Variants in BCL9L observed in about 807,000 individuals in gnomAD.
BCL9L encodes BCL9 like.
Under a neutral mutation model 99.4 loss-of-function variants are expected in BCL9L, and 19 were observed. The ratio of observed to expected loss-of-function variants is 0.19; its 90% CI spans 0.13 to 0.28. The LOEUF (loss-of-function observed/expected upper bound fraction) is 0.28, where lower values mean the gene tolerates loss of function less well. BCL9L is among the 10% of genes least tolerant of loss of function. BCL9L has a pLI of 1.00. For synonymous variants in BCL9L, 900 were observed against 854.8 expected (o/e 1.05, Z -0.92); for missense variants, 2,023 against 2,101.6 (o/e 0.96, Z 0.73).
chr11:118,908,611 A>G lies in BCL9L; in HGVS notation c.71T>C (p.Leu24Pro). 1 of 1,612,956 alleles carries G rather than the reference A, an allele frequency of 6.2e-7. No homozygotes were observed. The highest frequency in any genetic ancestry group is 8.5e-7 in the Non-Finnish European group (1 of 1,179,810). The change falls in exon 4 of 10, where the codon CTG becomes CCG. Residue 24 changes from leucine (L) to proline (P), a missense_variant. Leu to Pro is a moderately conservative substitution (Grantham distance 98). Transcript: ENST00000683865. Reference sequence around the variant, plus strand: ...AGGGGGGCAATGACCGCGGGGGGACAGCGGCGGGCTCCCTGGAGCTTCTCT... The same window carrying G: ...AGGGGGGCAATGACCGCGGGGGGACGGCGGCGGGCTCCCTGGAGCTTCTCT... ...RRREAPGSPPLSPRGHCPPAP... is the reference protein window; with the variant it reads ...RRREAPGSPPPSPRGHCPPAP...
chr11:118,900,789 A>G lies in BCL9L; in HGVS notation c.2954T>C (p.Val985Ala), dbSNP rs757344428. 5.0e-6 allele frequency: 8 copies of G among 1,613,808 alleles called. No individual in the cohort carries two copies. In the Admixed American group the frequency reaches 1.3e-4, roughly 27 times the overall value. ...SPQVLGSSLS[V>A]RSPTGSPSRL... is the part of the protein sequence containing the mutation. ...GCTGGGCGAGCCAGTGGGTGAACGG[A>G]CACTGAGGGAGGAGCCGAGGACCTG... Residue 985 changes from valine (V) to alanine (A), a missense_variant, in exon 8 of 10, where the codon GTC becomes GCC. By Grantham distance (64) the Val-to-Ala change is moderately conservative. Around this residue, in one of 3 missense-constraint regions of BCL9L, gnomAD observed 902 missense variants for 888.2 expected, o/e 1.02. Coordinates refer to ENST00000683865, the MANE Select transcript of BCL9L (RefSeq NM_001378213.1). This position sits in a 1 kb window ranked among gnomAD's most constrained non-coding sequence, Gnocchi z 5.3.
In BCL9L at chr11:118,922,407, C is replaced by T. The variant is rs369467573; in HGVS notation, c.-131+2831G>A. On this transcript the variant is annotated intron_variant, in intron 1 of 9. Coordinates refer to ENST00000683865, the MANE Select transcript of BCL9L (RefSeq NM_001378213.1). The surrounding 1 kb of genome is among the most constrained non-coding windows in gnomAD (Gnocchi z 6.2). ...AGCCCTGGCAGGAGCTCCCACCAGC[C>T]CCATCCCGGCTCCTCTGGCCAGTTA... Among the ~76,000 whole-genome samples, 1 of 152,246 alleles carries T rather than the reference C, an allele frequency of 6.6e-6. No individual in the cohort carries two copies. The highest frequency in any genetic ancestry group is 2.4e-5 in the African/African-American group (1 of 41,460).
At chr11:118,908,038 A>G (rs1266800547) in intron 4 of BCL9L, among the ~76,000 whole-genome samples, 1 of 152,186 alleles carries the variant, frequency 6.6e-6, no homozygotes, top group Non-Finnish European at 1.5e-5. Context: ...CAGGAGGGGA[A>G]GGAGTCCAGA....
intron 9 of BCL9L, 46 bp from the exon 10 acceptor site, chr11:118,899,554 CG>C: frequency 1.3e-6 from 2 of 1,592,266 alleles, no homozygotes; most frequent in Admixed American, 1.8e-5. Context: ...GTGCCCAGCT[CG>C]GGGAGGGTGC....
In BCL9L at chr11:118,901,676, C is replaced by T. The variant is rs1167379154; in HGVS notation, c.2067G>A (p.Met689Ile). The change falls in exon 8 of 10, where the codon ATG (methionine) becomes ATA (isoleucine). Residue 689 changes from methionine (M) to isoleucine (I), a missense_variant. By Grantham distance (10) the Met-to-Ile change is conservative. This residue lies in a region of BCL9L where 1,116 missense variants were observed against 1,194.6 expected (regional missense o/e 0.93). Transcript: ENST00000683865. The surrounding 1 kb of genome is among the most constrained non-coding windows in gnomAD (Gnocchi z 6.6). ...CCATGCCCAGGGGGCGCTGCATGCC[C>T]ATCGACCGCTTCTCCAGCAGCTGGT... is the stretch of plus-strand genomic sequence containing the variant. The part of the protein sequence containing the change: ...LRHQLLEKRS[M>I]GMQRPLGMAG... 1.2e-6 allele frequency: 2 copies of T among 1,613,746 alleles called. No individual in the cohort carries two copies. The highest frequency in any genetic ancestry group is 3.3e-5 in the Admixed American group (2 of 60,030).
intron 2 of BCL9L, 90 bp from the exon 3 acceptor site, chr11:118,910,105 G>C (rs1940716461): frequency 2.3e-6 from 2 of 888,216 alleles, no homozygotes; most frequent in Admixed American, 2.2e-5. Context: ...ACAGCCCTGG[G>C]ACTAGGGAGC....
At position 118,898,300 on chromosome 11, in the gene BCL9L, T is replaced by TCCCCCCCCC; in HGVS notation, c.*114_*115insGGGGGGGGG. On this transcript the variant is annotated 3_prime_UTR_variant, in exon 10 of 10. Transcript: ENST00000683865. ...AATGCCACTCCCTACACAAGCCCCC[T>TCCCCCCCCC]CCCACCCCCTCCACCCCACCCCGCG... is the stretch of plus-strand genomic sequence containing the variant. The TCCCCCCCCC allele has an allele frequency of 4.9e-5, 9 of 185,484 alleles. No homozygotes were observed. Among genetic ancestry groups the TCCCCCCCCC allele is most frequent in the South Asian group, 1.4e-4 (3 of 21,476 alleles). 11.5% of individuals were successfully genotyped at this position (185,484 alleles called of 1,614,324 possible). A position where few individuals can be genotyped will look rare whatever the true frequency, so the allele number is the denominator to read the frequency against.
At chr11:118,913,315 T>C (rs1468876379) in intron 2 of BCL9L, among the ~76,000 whole-genome samples, 1 of 152,090 alleles carries the variant, frequency 6.6e-6, no homozygotes, top group Non-Finnish European at 1.5e-5. Flanking sequence ...GTCCCAGACC[T>C]TTCTAGTCTG....
At chr11:118,906,731 A>C (rs925397214) in intron 5 of BCL9L, among the ~76,000 whole-genome samples, 8 of 151,656 alleles carry the variant, frequency 5.3e-5, no homozygotes, top group African/African-American at 1.5e-4. Context: ...TATGTTGGCC[A>C]GGCTGTTCTT....
chr11:118,908,439 C>A lies in BCL9L; in HGVS notation c.243G>T (p.Gly81=). 1.2e-6 allele frequency: 2 copies of A among 1,614,090 alleles called. No individual in the cohort carries two copies. Among genetic ancestry groups the A allele is most frequent in the Non-Finnish European group, 1.7e-6 (2 of 1,179,960 alleles). Reference sequence around the variant, plus strand: ...TAGGCGAGATCTGGTTGGCCTTGGCCCCATGGTTCCCCGCCCCCACGCCCT... The same window carrying A: ...TAGGCGAGATCTGGTTGGCCTTGGCACCATGGTTCCCCGCCCCCACGCCCT... The part of the protein sequence containing the change: ...GSKGVGAGNH[G]AKANQISPSN... Residue 81 remains glycine, a synonymous_variant, in exon 4 of 10, where the codon GGG becomes GGT. Transcript: ENST00000683865.
chr11:118,910,949 C>T (rs1293714828), intron 2 of BCL9L: 6 of 249,836 alleles, frequency 2.4e-5, no homozygotes, highest in Admixed American at 5.0e-5. Context: ...GAAGCGCCGC[C>T]GGAGCGGGAG....
At position 118,901,740 on chromosome 11, in the gene BCL9L, C is replaced by A; in HGVS notation, c.2003G>T (p.Arg668Leu). 1.9e-6 allele frequency: 3 copies of A among 1,613,128 alleles called. No homozygotes were observed. Residue 668 changes from arginine to leucine, a missense_variant, in exon 8 of 10, where the codon CGA becomes CTA. Arg to Leu is a moderately radical substitution (Grantham distance 102). This residue lies in a region of BCL9L where 1,116 missense variants were observed against 1,194.6 expected (regional missense o/e 0.93). Coordinates refer to ENST00000683865, the MANE Select transcript of BCL9L (RefSeq NM_001378213.1). The surrounding 1 kb of genome is among the most constrained non-coding windows in gnomAD (Gnocchi z 6.6). ...PYPGGQGEAE[R>L]FMTPRVREEL... ...CTCACGGACCCGGGGAGTCATGAAT[C>A]GCTCCGCCTCACCCTGCCCACCTGG... is the stretch of plus-strand genomic sequence containing the variant.
chr11:118,913,768 G>C (rs748422282), intron 2 of BCL9L, among the ~76,000 whole-genome samples: 3 of 143,762 alleles, frequency 2.1e-5, no homozygotes, highest in Non-Finnish European at 3.0e-5. Flanking sequence ...GGTTAGCCCA[G>C]GGCAAGGGAG....
rs968765254 is a variant in BCL9L at position 118,922,867 on chromosome 11, G to T, written c.-131+2371C>A. ...GCAGCAGGACCACAAGAACCCCAAA[G>T]GACTTCCCAGGCACCTCCTTGTGGG... On this transcript the variant is annotated intron_variant, in intron 1 of 9. Transcript: ENST00000683865. The surrounding 1 kb of genome is among the most constrained non-coding windows in gnomAD (Gnocchi z 6.2). 1.3e-5 allele frequency among the ~76,000 whole-genome samples: 2 copies of T among 152,102 alleles called. No individual in the cohort carries two copies. Among genetic ancestry groups the T allele is most frequent in the Admixed American group, 6.5e-5 (1 of 15,284 alleles).
chr11:118,912,514 G>A (rs1940835527), intron 2 of BCL9L, among the ~76,000 whole-genome samples: 1 of 152,222 alleles, frequency 6.6e-6, no homozygotes, highest in African/African-American at 2.4e-5. Flanking sequence ...GAGGGTAGGA[G>A]CTAGCAGCCT....
rs1940149941 is a variant in BCL9L at position 118,900,159 on chromosome 11, G to A, written c.3164C>T (p.Ala1055Val). Residue 1055 changes from alanine to valine, a missense_variant, in exon 9 of 10, where the codon GCA (alanine) becomes GTA (valine). Transcript: ENST00000683865. This position sits in a 1 kb window ranked among gnomAD's most constrained non-coding sequence, Gnocchi z 5.3. The part of the protein sequence containing the change: ...PPSGPRSSSS[A>V]PPANPPSGLM... ...GCCGCTGGGAGGGTTGGCGGGAGGT[G>A]CTGAGGAGCTGCTCCGGGGGCCGCT... The A allele has an allele frequency of 1.9e-6, 3 of 1,610,478 alleles. No homozygotes were observed. The highest frequency in any genetic ancestry group is 2.5e-6 in the Non-Finnish European group (3 of 1,177,334).
rs957636529 is a variant in BCL9L at position 118,902,082 on chromosome 11, C to A, written c.1661G>T (p.Gly554Val). The change falls in exon 8 of 10, where the codon GGC becomes GTC. Residue 554 changes from glycine to valine, a missense_variant. Physicochemically the swap from Gly to Val is moderately radical, Grantham distance 109. Around this residue, in one of 3 missense-constraint regions of BCL9L, gnomAD observed 1,116 missense variants for 1,194.6 expected, o/e 0.93. Transcript: ENST00000683865. This position sits in a 1 kb window ranked among gnomAD's most constrained non-coding sequence, Gnocchi z 7.8. ...AGGCGGGGGCCCCCTCACCATCATG[C>A]CCCCCATGCCCATCATGTCCTGCAG... ...RPLQDMMGMG[G>V]MMVRGPPPPY... is the part of the protein sequence containing the mutation. 2 of 1,613,668 alleles carry A rather than the reference C, an allele frequency of 1.2e-6. No individual in the cohort carries two copies. The highest frequency in any genetic ancestry group is 1.7e-5 in the Admixed American group (1 of 59,988).
intron 2 of BCL9L, among the ~76,000 whole-genome samples, chr11:118,912,144 C>A (rs1279401169): frequency 6.6e-6 from 1 of 152,214 alleles, no homozygotes; most frequent in African/African-American, 2.4e-5. Flanking sequence ...CCGAAGACCC[C>A]TCCTCCTCCA....
intron 4 of BCL9L, 94 bp downstream of exon 4, chr11:118,908,176 T>C: frequency 6.8e-7 from 1 of 1,469,608 alleles, no homozygotes; most frequent in Non-Finnish European, 9.1e-7. Context: ...GGATGAGGAC[T>C]GGACAAGCAG....
Sources: gnomAD v4.1 joint callset for allele counts (sites outside exome capture counted in the v4.1 genomes callset) on GRCh38, gnomAD v4.1.1 for gene constraint, gnomAD v4.1.1 regional missense constraint, Gnocchi (gnomAD v3.1) non-coding constraint, MANE v1.5 for transcripts, NCBI Gene and HGNC (gene_info 2026-07-23, HGNC 2026-07-21) for gene names.